Variants in SLC13A3 observed in about 807,000 individuals in gnomAD.
SLC13A3 encodes the protein solute carrier family 13 member 3, also known as Na(+)/dicarboxylate cotransporter 3.
In SLC13A3, 40 loss-of-function variants were observed where a neutral mutation model predicts 59.0. The ratio of observed to expected loss-of-function variants is 0.68; its 90% CI spans 0.53 to 0.88. The LOEUF (loss-of-function observed/expected upper bound fraction) is 0.88, where lower values mean the gene tolerates loss of function less well. SLC13A3 is among the 40% of genes least tolerant of loss of function. The pLI, the probability that SLC13A3 is intolerant of heterozygous loss-of-function variation, is 0.00. For synonymous variants in SLC13A3, 317 were observed against 330.3 expected, an observed-to-expected ratio of 0.96 and a Z score of 0.44; for missense variants, 699 against 783.2, an observed-to-expected ratio of 0.89 and a Z score of 1.28.
chr20:46,666,995 T>C (rs1032380383), intron 1 of SLC13A3, among the ~76,000 whole-genome samples: 2 of 151,892 alleles, frequency 1.3e-5, no homozygotes, highest in African/African-American at 2.4e-5. Flanking sequence ...GACTACGAGA[T>C]AGCAAGAGAA....
intron 3 of SLC13A3, among the ~76,000 whole-genome samples, chr20:46,600,313 G>GGAAA (rs2062363120): frequency 8.1e-6 from 1 of 123,806 alleles, no homozygotes; most frequent in Non-Finnish European, 1.7e-5. Context: ...GAAAGAAAGA[G>GGAAA]GGAAGGAAGG....
intron 9 of SLC13A3, among the ~76,000 whole-genome samples, chr20:46,578,698 A>G (rs1383826386): frequency 1.3e-5 from 2 of 152,132 alleles, no homozygotes; most frequent in Non-Finnish European, 2.9e-5. Flanking sequence ...AATAATGCCA[A>G]GAAATTTCAT....
intron 6 of SLC13A3, among the ~76,000 whole-genome samples, chr20:46,589,641 G>T (rs1352302089): frequency 6.6e-6 from 1 of 152,154 alleles, no homozygotes; most frequent in East Asian, 1.9e-4. Flanking sequence ...TTCAGTAAAT[G>T]GTATCAGACA....
At chr20:46,654,591 G>A (rs1600620580), upstream of SLC13A3, among the ~76,000 whole-genome samples, 2 of 151,978 alleles carry the variant, frequency 1.3e-5, no homozygotes, top group Admixed American at 6.6e-5. Flanking sequence ...GTGCAATGGC[G>A]CCATCTCAGC....
chr20:46,560,304 C>T, intron 12 of SLC13A3, 106 bp from the exon 13 acceptor site: 2 of 1,100,654 alleles, frequency 1.8e-6, no homozygotes, highest in Non-Finnish European at 2.7e-6. Context: ...ATCGCACAGC[C>T]AGGAAGTGAT....
chr20:46,642,339 G>T (rs2062853089), intron 1 of SLC13A3, among the ~76,000 whole-genome samples: 1 of 152,174 alleles, frequency 6.6e-6, no homozygotes, highest in African/African-American at 2.4e-5. Context: ...CTCACCAGCT[G>T]GGGACCTTGG....
At chr20:46,678,987 C>T in intron 1 of SLC13A3, among the ~76,000 whole-genome samples, 1 of 152,170 alleles carries the variant, frequency 6.6e-6, no homozygotes, top group Non-Finnish European at 1.5e-5. Context: ...CCATGGGACA[C>T]TGCCTGCTCC....
rs563938169 is a variant in SLC13A3, at chr20:46,604,547, C to T, written c.542-4510G>A. Among the ~76,000 whole-genome samples, 149 of 152,268 alleles carry T rather than the reference C, an allele frequency of 9.8e-4. 1 individual carries two copies. Among genetic ancestry groups the T allele is most frequent in the Non-Finnish European group, 1.6e-3 (109 of 68,020 alleles). On this transcript the variant is annotated intron_variant, in intron 3 of 12. Transcript: ENST00000279027. ...ACAGCCATGTGGACATTCCTTGTCT[C>T]GCCCCGTGGTTTGGGGAAGTCCCTT... is the stretch of plus-strand genomic sequence containing the variant.
upstream of SLC13A3, among the ~76,000 whole-genome samples, chr20:46,652,052 A>G (rs1403297909): frequency 1.3e-5 from 2 of 152,222 alleles, no homozygotes; most frequent in Admixed American, 6.5e-5. Flanking sequence ...ACACATGGAC[A>G]CATAGAGGGG....
chr20:46,605,124 G>A (rs1027674829), intron 3 of SLC13A3, among the ~76,000 whole-genome samples: 2 of 152,192 alleles, frequency 1.3e-5, no homozygotes, highest in African/African-American at 2.4e-5. Flanking sequence ...AGGCAGTGAA[G>A]GGTATTCGTA....
chr20:46,593,233 C>T (rs2062278225), intron 5 of SLC13A3, among the ~76,000 whole-genome samples: 1 of 152,144 alleles, frequency 6.6e-6, no homozygotes. Flanking sequence ...ATATTCTTTT[C>T]TGGAGAGGAA....
chr20:46,600,077 G>A (rs539262563), intron 3 of SLC13A3, 40 bp from the exon 4 acceptor site: 44 of 1,498,970 alleles, frequency 2.9e-5, no homozygotes, highest in Non-Finnish European at 3.8e-5. Flanking sequence ...GTAATGTAGC[G>A]AATGGAACAG....
At chr20:46,588,988 C>T (rs2062224281) in intron 7 of SLC13A3, among the ~76,000 whole-genome samples, 172 bp downstream of exon 7, 1 of 152,166 alleles carries the variant, frequency 6.6e-6, no homozygotes, top group Admixed American at 6.5e-5. Context: ...AGCACCACGG[C>T]AAGAGGTTGA....
At chr20:46,566,465 TC>T in intron 10 of SLC13A3, 75 bp from the exon 11 acceptor site, 1 of 1,511,804 alleles carries the variant, frequency 6.6e-7, no homozygotes, top group Non-Finnish European at 9.0e-7. Flanking sequence ...TTAGGATAGA[TC>T]ACAACAATGA....
intron 1 of SLC13A3, among the ~76,000 whole-genome samples, chr20:46,656,580 ATATAT>A (rs1211769329): frequency 6.8e-6 from 1 of 146,384 alleles, no homozygotes; most frequent in African/African-American, 2.5e-5. Flanking sequence ...TATACAGTAC[ATATAT>A]TATACTGTAT....
intron 1 of SLC13A3, among the ~76,000 whole-genome samples, chr20:46,680,170 C>A (rs2063147324): frequency 6.6e-6 from 1 of 152,120 alleles, no homozygotes; most frequent in Non-Finnish European, 1.5e-5. Context: ...AAGTTGTTAG[C>A]AATGCAGATT....
At chr20:46,601,742 G>A (rs559332850) in intron 3 of SLC13A3, among the ~76,000 whole-genome samples, 16 of 152,290 alleles carry the variant, frequency 1.1e-4, no homozygotes, top group African/African-American at 3.8e-4. Context: ...TGAAGGTGAG[G>A]GGATGAGCCA....
chr20:46,611,703 G>A (rs962662375), intron 2 of SLC13A3, among the ~76,000 whole-genome samples: 2 of 152,102 alleles, frequency 1.3e-5, no homozygotes, highest in Non-Finnish European at 2.9e-5. Flanking sequence ...CTCTTGTCGG[G>A]ACACTCTAAA....
At chr20:46,624,536 T>C (rs1009950374) in intron 1 of SLC13A3, among the ~76,000 whole-genome samples, 1 of 152,238 alleles carries the variant, frequency 6.6e-6, no homozygotes, top group African/African-American at 2.4e-5. Flanking sequence ...CATAGCATTA[T>C]GCTATTACAC....
Sources: gnomAD v4.1 joint callset for allele counts (sites outside exome capture counted in the v4.1 genomes callset) on GRCh38, gnomAD v4.1.1 for gene constraint, MANE v1.5 for transcripts, NCBI Gene and HGNC (gene_info 2026-07-23, HGNC 2026-07-21) for gene names.